Variants in GNAQ observed in about 807,000 individuals in gnomAD.
GNAQ encodes G protein subunit alpha q.
In GNAQ, 8 loss-of-function variants were observed where a neutral mutation model predicts 43.9. The observed-to-expected ratio is 0.18, with a 90% CI of 0.11 to 0.33. GNAQ has a LOEUF of 0.33. Among genes scored for constraint, GNAQ ranks in the 10% least tolerant of loss-of-function variants. GNAQ has a pLI of 1.00. For missense variants in GNAQ, 158 were observed against 450.8 expected (o/e 0.35, Z 5.88); for synonymous variants, 155 against 170.7 (o/e 0.91, Z 0.71).
At chr9:77,976,669 C>A (rs1463090249) in intron 1 of GNAQ, among the ~76,000 whole-genome samples, 2 of 152,212 alleles carry the variant, frequency 1.3e-5, no homozygotes, top group East Asian at 1.9e-4. Flanking sequence ...GGATTACAGG[C>A]GTGAGCCAAC....
intron 2 of GNAQ, among the ~76,000 whole-genome samples, chr9:77,850,772 C>A (rs770676235): frequency 4.1e-4 from 63 of 152,256 alleles, no homozygotes; most frequent in Non-Finnish European, 2.2e-4. Flanking sequence ...TTTTGTCCAC[C>A]TGTAAAAACT....
intron 1 of GNAQ, among the ~76,000 whole-genome samples, chr9:78,016,460 C>T (rs555784887): frequency 3.3e-5 from 5 of 152,136 alleles, no homozygotes; most frequent in South Asian, 2.1e-4. Context: ...CCAAGGTGGG[C>T]GGATCACGAG....
chr9:77,940,845 T>C (rs575997443), intron 1 of GNAQ, among the ~76,000 whole-genome samples: 20 of 151,924 alleles, frequency 1.3e-4, no homozygotes, highest in South Asian at 6.2e-4. Context: ...CAGACGCCTG[T>C]AGTCCCAGCT....
intron 1 of GNAQ, among the ~76,000 whole-genome samples, chr9:77,995,021 A>G (rs1340361342): frequency 6.6e-6 from 1 of 152,224 alleles, no homozygotes; most frequent in East Asian, 1.9e-4. Context: ...GAATCAAGTC[A>G]CTGATATATG....
chr9:77,894,927 C>T (rs944895678), intron 2 of GNAQ, among the ~76,000 whole-genome samples: 4 of 151,766 alleles, frequency 2.6e-5, no homozygotes, highest in South Asian at 2.1e-4. Context: ...CGGGCACTCA[C>T]GCCTGTAATC....
chr9:77,781,506 T>G (rs1045258580), intron 5 of GNAQ, among the ~76,000 whole-genome samples: 11 of 152,234 alleles, frequency 7.2e-5, no homozygotes, highest in African/African-American at 2.2e-4. Flanking sequence ...GAATACCTCC[T>G]AACTCATTAT....
At chr9:77,894,201 T>C (rs1828449484) in intron 2 of GNAQ, among the ~76,000 whole-genome samples, 1 of 148,874 alleles carries the variant, frequency 6.7e-6, no homozygotes, top group African/African-American at 2.5e-5. Context: ...CTGTACTACA[T>C]AGATAAGGGT....
intron 1 of GNAQ, among the ~76,000 whole-genome samples, chr9:77,954,875 G>A (rs925186216): frequency 6.6e-6 from 1 of 152,160 alleles, no homozygotes; most frequent in African/African-American, 2.4e-5. Flanking sequence ...AAAACCTTCT[G>A]AGGAAGGCAA....
intron 2 of GNAQ, among the ~76,000 whole-genome samples, chr9:77,910,613 A>C (rs956745779): frequency 1.3e-5 from 2 of 152,030 alleles, no homozygotes; most frequent in African/African-American, 4.8e-5. Context: ...TGGACCAATC[A>C]GTAATGTTCC....
chr9:77,935,090 C>T (rs1486761578), intron 1 of GNAQ, among the ~76,000 whole-genome samples: 2 of 151,950 alleles, frequency 1.3e-5, no homozygotes, highest in African/African-American at 4.8e-5. Flanking sequence ...GCACCACTGC[C>T]CTCCAACCTG....
At chr9:77,886,688 C>T (rs1302494651) in intron 2 of GNAQ, among the ~76,000 whole-genome samples, 1 of 152,048 alleles carries the variant, frequency 6.6e-6, no homozygotes, top group Non-Finnish European at 1.5e-5. Flanking sequence ...TCATCTTTGG[C>T]TGTACAATCA....
At chr9:78,028,486 C>G (rs915258527) in intron 1 of GNAQ, among the ~76,000 whole-genome samples, 1 of 152,120 alleles carries the variant, frequency 6.6e-6, no homozygotes, top group African/African-American at 2.4e-5. Flanking sequence ...ATTACATGAG[C>G]AAATGCAAGG....
intron 2 of GNAQ, among the ~76,000 whole-genome samples, chr9:77,863,049 C>T (rs750160642): frequency 6.6e-6 from 1 of 152,148 alleles, no homozygotes; most frequent in Non-Finnish European, 1.5e-5. Context: ...TGGCACATGC[C>T]TGTAATCCCA....
chr9:77,938,871 A>G (rs1333454072), intron 1 of GNAQ, among the ~76,000 whole-genome samples: 2 of 152,222 alleles, frequency 1.3e-5, no homozygotes, highest in African/African-American at 4.8e-5. Flanking sequence ...ACAACTGAAT[A>G]TTCAAAGCAG....
At chr9:77,724,865 T>A (rs1487574009) in intron 6 of GNAQ, among the ~76,000 whole-genome samples, 1 of 152,020 alleles carries the variant, frequency 6.6e-6, no homozygotes, top group African/African-American at 2.4e-5. Context: ...ATGTAAAGTA[T>A]ATATACAAGC....
chr9:77,976,496 G>T (rs917621158), intron 1 of GNAQ, among the ~76,000 whole-genome samples: 6 of 152,120 alleles, frequency 3.9e-5, no homozygotes, highest in Admixed American at 2.0e-4. Flanking sequence ...AGGTTCAGGT[G>T]ATTCTCCTGC....
At chr9:77,828,653 T>A (rs2118546195) in intron 2 of GNAQ, among the ~76,000 whole-genome samples, 1 of 152,352 alleles carries the variant, frequency 6.6e-6, no homozygotes, top group East Asian at 1.9e-4. Flanking sequence ...TCATGTTAGA[T>A]CAATAAATAT....
At chr9:77,758,639 T>C (rs1424908015) in intron 5 of GNAQ, among the ~76,000 whole-genome samples, 1 of 152,198 alleles carries the variant, frequency 6.6e-6, no homozygotes, top group Admixed American at 6.5e-5. Flanking sequence ...CAAATAAACA[T>C]ATGTACTTAT....
intron 5 of GNAQ, among the ~76,000 whole-genome samples, chr9:77,745,806 T>C (rs1354538510): frequency 6.6e-6 from 1 of 151,976 alleles, no homozygotes; most frequent in Non-Finnish European, 1.5e-5. Context: ...TAAAAGACGT[T>C]ATAGTAACAG....
Sources: allele counts gnomAD v4.1 joint callset (sites outside exome capture counted in the v4.1 genomes callset), GRCh38; gene constraint gnomAD v4.1.1; transcripts MANE v1.5; gene names NCBI Gene and HGNC (gene_info 2026-07-23, HGNC 2026-07-21).